The following RNF144A variants were observed in gnomAD, a reference collection of about 807,000 sequenced individuals.
RNF144A encodes ring finger protein 144A.
In RNF144A, 11 loss-of-function variants were observed where a neutral mutation model predicts 38.7. The ratio of observed to expected loss-of-function variants is 0.28; its 90% confidence interval spans 0.18 to 0.47. The LOEUF is 0.47. Ranked by LOEUF, RNF144A falls within the 20% of genes least tolerant of loss-of-function variation. The probability of loss-of-function intolerance (pLI) is 0.99; values close to 1 mark genes in which losing one functional copy is unlikely to be tolerated. For synonymous variants in RNF144A, 149 were observed against 143.9 expected (o/e 1.04, Z -0.25); for missense variants, 316 against 377.2 (o/e 0.84, Z 1.34).
chr2:7,071,076 A>C (rs967398146), downstream of RNF144A, among the ~76,000 whole-genome samples: 11 of 152,050 alleles, frequency 7.2e-5, no homozygotes, highest in African/African-American at 2.7e-4. Context: ...CTGGGATTAC[A>C]GGAGCGTGCC....
intron 6 of RNF144A, among the ~76,000 whole-genome samples, chr2:7,058,237 G>A (rs1356281138): frequency 6.6e-6 from 1 of 150,438 alleles, no homozygotes; most frequent in Non-Finnish European, 1.5e-5. Flanking sequence ...AATGAAGAAA[G>A]AGAAGGAAAG....
At chr2:7,044,885 T>TG (rs1444706673), downstream of RNF144A, among the ~76,000 whole-genome samples, 3 of 152,360 alleles carry the variant, frequency 2.0e-5, no homozygotes, top group Admixed American at 2.0e-4. Context: ...TAGTGGGCAC[T>TG]GAAGACTCAA....
In RNF144A at chr2:6,933,862, G is replaced by C. The variant is rs116727592; in HGVS notation, c.-211-7086G>C. On this transcript the variant is annotated intron_variant, in intron 1 of 8. Transcript: ENST00000320892. Reference sequence around the variant, plus strand: ...GTTCAGCTTATTCTTCAGTCATATAGCTGTATTATTTATTCAGCTTTTCTT... The same window carrying C: ...GTTCAGCTTATTCTTCAGTCATATACCTGTATTATTTATTCAGCTTTTCTT... Among the ~76,000 whole-genome samples the C allele has an allele frequency of 1.2e-3, 182 of 152,222 alleles. 1 individual carries two copies. Among genetic ancestry groups the C allele is most frequent in the Non-Finnish European group, 2.2e-3 (152 of 67,998 alleles).
chr2:6,998,152 G>T (rs1370239555), intron 3 of RNF144A, among the ~76,000 whole-genome samples: 1 of 149,924 alleles, frequency 6.7e-6, no homozygotes, highest in East Asian at 2.1e-4. Flanking sequence ...GTACAGAAAA[G>T]AAAAATGAAA....
chr2:6,954,656 T>C (rs1666887704), intron 2 of RNF144A, among the ~76,000 whole-genome samples: 1 of 152,262 alleles, frequency 6.6e-6, no homozygotes, highest in African/African-American at 2.4e-5. Context: ...ATGGGAACTC[T>C]CCACTGATAG....
chr2:7,048,224 A>G (rs570402983), downstream of RNF144A, among the ~76,000 whole-genome samples: 1 of 152,290 alleles, frequency 6.6e-6, no homozygotes, highest in South Asian at 2.1e-4. Context: ...CAGGCAAAAC[A>G]TGGCTCATCT....
intron 2 of RNF144A, among the ~76,000 whole-genome samples, chr2:6,960,701 C>T (rs1045668019): frequency 1.1e-4 from 17 of 152,184 alleles, no homozygotes; most frequent in African/African-American, 2.9e-4. Context: ...AATCTCAAGG[C>T]GCTTCCACAC....
In RNF144A at chr2:7,041,785, C is replaced by T. The variant is rs573473551; in HGVS notation, c.*2025C>T. On this transcript the variant is annotated 3_prime_UTR_variant, in exon 9 of 9. Transcript: ENST00000320892. ...CCTGCCTGAAATTGCTGCTGCCCAT[C>T]GCATGAGCCCACACAGTAGCACCCC... The T allele has an allele frequency of 1.2e-5, 12 of 985,600 alleles. No homozygotes were observed. The Admixed American group carries it at 5.5e-4, about 45-fold the overall frequency. The allele number at this position is 985,600 out of a possible 1,614,324, so 61.1% of individuals were successfully genotyped here. A position where few individuals can be genotyped will look rare whatever the true frequency, so the allele number is the denominator to read the frequency against.
At position 7,040,621 on chromosome 2, in the gene RNF144A, C is replaced by G; in HGVS notation, c.*861C>G. On this transcript the variant is annotated 3_prime_UTR_variant, in exon 9 of 9. Transcript: ENST00000320892. ...AAAACGCTTTTTATTGTATTCAATC[C>G]CACTGCTTTGCTCGGCAATGGTTCT... 1 of 985,408 alleles carries G rather than the reference C, an allele frequency of 1.0e-6. No individual in the cohort carries two copies. Among genetic ancestry groups the G allele is most frequent in the Non-Finnish European group, 1.2e-6 (1 of 829,930 alleles). 61.0% of individuals were successfully genotyped at this position (985,408 alleles called of 1,614,324 possible).
At chr2:7,061,488 T>C (rs1295052304) in intron 6 of RNF144A, among the ~76,000 whole-genome samples, 1 of 152,240 alleles carries the variant, frequency 6.6e-6, no homozygotes, top group Non-Finnish European at 1.5e-5. Flanking sequence ...GATGTTTTTT[T>C]TAATTCCAAG....
chr2:7,070,568 G>GGTT (rs1674432360), downstream of RNF144A, among the ~76,000 whole-genome samples: 8 of 152,318 alleles, frequency 5.3e-5, no homozygotes, highest in Admixed American at 2.0e-4. Flanking sequence ...TGGAAATAGA[G>GGTT]AGTGTTTGCA....
intron 5 of RNF144A, among the ~76,000 whole-genome samples, chr2:7,018,705 G>T (rs567466530): frequency 6.6e-6 from 1 of 152,230 alleles, no homozygotes; most frequent in Non-Finnish European, 1.5e-5. Flanking sequence ...AATAAGAGAA[G>T]AGCTAATTTT....
Position 7,040,902 on chromosome 2 carries a change from TCGTTTTAA to T in RNF144A, c.*1146_*1153del. The T allele has an allele frequency of 1.0e-6, 1 of 985,470 alleles. No homozygotes were observed. The highest frequency in any genetic ancestry group is 4.7e-5 in the South Asian group (1 of 21,290). 61.0% of individuals were successfully genotyped at this position (985,470 alleles called of 1,614,324 possible). On this transcript the variant is annotated 3_prime_UTR_variant, in exon 9 of 9. Transcript: ENST00000320892. Reference sequence around the variant, plus strand: ...GGGGAAAAGAACCTCCCATTTCACTTCGTTTTAACGTGGGGATTTTACCACTTGATCTT... The same window carrying T: ...GGGGAAAAGAACCTCCCATTTCACTTCGTGGGGATTTTACCACTTGATCTT...
At chr2:6,981,796 C>T (rs758650080) in intron 2 of RNF144A, among the ~76,000 whole-genome samples, 1 of 152,182 alleles carries the variant, frequency 6.6e-6, no homozygotes, top group Non-Finnish European at 1.5e-5. Context: ...CAGTATGCCA[C>T]TCCTGGTACC....
intron 6 of RNF144A, among the ~76,000 whole-genome samples, chr2:7,058,061 A>C (rs569609864): frequency 6.6e-6 from 1 of 152,324 alleles, no homozygotes; most frequent in East Asian, 1.9e-4. Flanking sequence ...TGAAAGAGGC[A>C]AAGATAACTA....
intron 2 of RNF144A, among the ~76,000 whole-genome samples, chr2:6,987,493 G>A (rs966257394): frequency 6.6e-6 from 1 of 152,220 alleles, no homozygotes; most frequent in South Asian, 2.1e-4. Context: ...CGTGGAGGTC[G>A]CCTGGTCTAC....
At chr2:7,030,085 G>A in intron 7 of RNF144A, 41 bp from the exon 8 acceptor site, 1 of 1,394,040 alleles carries the variant, frequency 7.2e-7, no homozygotes, top group Non-Finnish European at 1.0e-6. Flanking sequence ...AACTGAGCAG[G>A]AACCACTCGT....
intron 2 of RNF144A, among the ~76,000 whole-genome samples, chr2:6,979,380 T>G (rs1668496191): frequency 6.6e-6 from 1 of 152,114 alleles, no homozygotes; most frequent in Admixed American, 6.5e-5. Context: ...TGATTATGAT[T>G]GGGGAAGTTG....
chr2:6,996,986 C>T lies in RNF144A; in HGVS notation c.60C>T (p.Cys20=), dbSNP rs756856713. 4 of 1,614,184 alleles carry T rather than the reference C, an allele frequency of 2.5e-6. No individual in the cohort carries two copies. In the Admixed American group the frequency reaches 6.7e-5, roughly 27 times the overall value. The change falls in exon 3 of 9, where the codon TGC becomes TGT. Residue 20 remains cysteine, a synonymous_variant. Coordinates refer to ENST00000320892, the MANE Select transcript of RNF144A (RefSeq NM_014746.6). The stretch of plus-strand genomic sequence containing the variant: ...TGGCCCTCGACCCGCTGGTGTCTTG[C>T]AAGCTCTGTCTTGGGGAGTACCCAG... ...WDLALDPLVS[C]KLCLGEYPVE... is the part of the protein sequence containing the mutation.
Sources: allele counts gnomAD v4.1 joint callset (sites outside exome capture counted in the v4.1 genomes callset), GRCh38; gene constraint gnomAD v4.1.1; transcripts MANE v1.5; gene names NCBI Gene and HGNC (gene_info 2026-07-23, HGNC 2026-07-21).